The following TACC2 variants were observed in gnomAD, a reference collection of about 807,000 sequenced individuals.
TACC2 encodes the protein transforming acidic coiled-coil-containing protein 2.
TACC2 carries 137 observed loss-of-function variants against 227.3 expected under a neutral mutation model. The ratio of observed to expected loss-of-function variants is 0.60; its 90% CI spans 0.52 to 0.69. The LOEUF (loss-of-function observed/expected upper bound fraction) is 0.69, where lower values mean the gene tolerates loss of function less well. Ranked by LOEUF, TACC2 falls within the 30% of genes least tolerant of loss-of-function variation. TACC2 has a pLI of 0.00. For missense variants in TACC2, 3,470 were observed against 3,694.4 expected (o/e 0.94, Z 1.57); for synonymous variants, 1,523 against 1,487.5 (o/e 1.02, Z -0.55).
rs142220202 is a variant in TACC2 at position 122,097,210 on chromosome 10, T to G, written c.5573+8619T>G. Among the ~76,000 whole-genome samples the G allele has an allele frequency of 4.9e-3, 739 of 152,114 alleles. 8 individuals carry two copies. Among genetic ancestry groups the G allele is most frequent in the African/African-American group, 0.017 (704 of 41,480 alleles). On this transcript the variant is annotated intron_variant, in intron 5 of 22. Transcript: ENST00000369005. ...GTGGTGTGGTGGTACATGCCTGTGG[T>G]CCCAGCTATTCAGGAGGCTGAGGTG...
Position 122,084,252 on chromosome 10 carries a change from G to A in TACC2, c.1752G>A (p.Glu584=), listed in dbSNP as rs2079852624. 1 of 1,614,074 alleles carries A rather than the reference G, an allele frequency of 6.2e-7. No individual in the cohort carries two copies. Among genetic ancestry groups the A allele is most frequent in the Admixed American group, 1.7e-5 (1 of 60,034 alleles). ...CTGGAGGAAAGGAGGAAGCCCCAGA[G>A]CCACCTGATGGTGGAGACCCAGGGA... The part of the protein sequence containing the change: ...DSPGGKEEAP[E]PPDGGDPGNL... Residue 584 remains glutamate (E), a synonymous_variant, in exon 4 of 23, where the codon GAG becomes GAA. Transcript: ENST00000369005.
intron 2 of TACC2, among the ~76,000 whole-genome samples, chr10:122,037,309 A>G (rs1019278861): frequency 1.3e-5 from 2 of 152,246 alleles, no homozygotes; most frequent in African/African-American, 4.8e-5. Context: ...AGCCCTGGTA[A>G]GAAGTCTGGC....
Position 122,156,617 on chromosome 10 carries a change from T to G in TACC2, c.5834+12911T>G, listed in dbSNP as rs563724635. 1.2e-4 allele frequency among the ~76,000 whole-genome samples: 18 copies of G among 152,366 alleles called. 1 individual carries two copies. Among genetic ancestry groups the G allele is most frequent in the African/African-American group, 3.8e-4 (16 of 41,588 alleles). On this transcript the variant is annotated intron_variant, in intron 7 of 22. Transcript: ENST00000369005. ...TTGAAGCCACCTTCTGTCCTCATCCTGGCTGAGTTTCTCTTCTTCAGTTGC... is the reference window on the plus strand; with the variant it reads ...TTGAAGCCACCTTCTGTCCTCATCCGGGCTGAGTTTCTCTTCTTCAGTTGC...
chr10:122,081,759 G>A (rs889664927), intron 3 of TACC2, among the ~76,000 whole-genome samples: 2 of 152,100 alleles, frequency 1.3e-5, no homozygotes, highest in African/African-American at 4.8e-5. Flanking sequence ...AGGTGATTCA[G>A]CTCCCAAGAT....
In TACC2 at chr10:122,083,703, G is replaced by T; in HGVS notation, c.1203G>T (p.Leu401Phe). Residue 401 changes from leucine to phenylalanine, a missense_variant, in exon 4 of 23, where the codon TTG (leucine) becomes TTT (phenylalanine). Transcript: ENST00000369005. ...CAGGCGGCCAGCCCGAAGGGGGTTT[G>T]CCTGTGAGCCCTGAACCTTCCCTGC... ...VAAGGQPEGG[L>F]PVSPEPSLLT... is the part of the protein sequence containing the mutation. 1.2e-6 allele frequency: 2 copies of T among 1,613,478 alleles called. No individual in the cohort carries two copies. The highest frequency in any genetic ancestry group is 1.7e-6 in the Non-Finnish European group (2 of 1,180,032).
At chr10:122,033,370 C>G (rs1453552732) in intron 2 of TACC2, among the ~76,000 whole-genome samples, 3 of 152,108 alleles carry the variant, frequency 2.0e-5, no homozygotes, top group African/African-American at 4.8e-5. Context: ...TTTAGTGTGC[C>G]TGTCCAAGAA....
intron 2 of TACC2, among the ~76,000 whole-genome samples, chr10:122,028,886 C>G (rs1381718332): frequency 5.2e-5 from 2 of 38,728 alleles, no homozygotes; most frequent in Non-Finnish European, 9.6e-5. Flanking sequence ...CCCTTCCCTC[C>G]GCTCCCCTCC....
intron 16 of TACC2, among the ~76,000 whole-genome samples, chr10:122,234,512 A>G (rs1316596564): frequency 2.0e-5 from 3 of 152,230 alleles, no homozygotes; most frequent in Non-Finnish European, 4.4e-5. Context: ...CAAAGCTATC[A>G]ATTTCTGTTA....
Position 122,132,708 on chromosome 10 carries a change from G to C in TACC2, c.5673G>C (p.Gln1891His). 6.2e-7 allele frequency: 1 copy of C among 1,614,196 alleles called. No individual in the cohort carries two copies. The highest frequency in any genetic ancestry group is 8.5e-7 in the Non-Finnish European group (1 of 1,180,030). ...ASSYHGDVVG[Q>H]VSTDLIAQSI... ...CCTACCACGGTGATGTTGTTGGCCA[G>C]GTCTCTACGGATCTGATAGCCCAGA... Residue 1891 changes from glutamine to histidine, a missense_variant, in exon 6 of 23, where the codon CAG (glutamine) becomes CAC (histidine). By Grantham distance (24) the Gln-to-His change is conservative. Transcript: ENST00000369005.
Position 122,087,757 on chromosome 10 carries a change from G to C in TACC2, c.5257G>C (p.Asp1753His), listed in dbSNP as rs148022903. Reference protein sequence around the residue: ...PGSCQDPACSDKAPGMEGTAA... With the variant: ...PGSCQDPACSHKAPGMEGTAA... ...AAGCTGTCAGGACCCAGCCTGCTCT[G>C]ACAAGGCTCCGGGGATGGAGGGTAC... The change falls in exon 4 of 23, where the codon GAC becomes CAC. Residue 1753 changes from aspartate (D) to histidine (H), a missense_variant. By Grantham distance (81) the Asp-to-His change is moderately conservative. This residue lies in a region of TACC2 where 1,924 missense variants were observed against 1,978.3 expected (regional missense o/e 0.97). Transcript: ENST00000369005. The C allele has an allele frequency of 8.3e-5, 134 of 1,610,414 alleles. No homozygotes were observed. Among genetic ancestry groups the C allele is most frequent in the Non-Finnish European group, 1.1e-4 (124 of 1,178,598 alleles).
At chr10:121,994,515 G>A (rs530856838) in intron 1 of TACC2, 108 of 152,416 alleles carry the variant, frequency 7.1e-4, no homozygotes, top group African/African-American at 2.2e-3. Context: ...TGCCTGGCCT[G>A]GGTCAGATTG....
At chr10:122,067,252 G>C (rs1489371298) in intron 3 of TACC2, among the ~76,000 whole-genome samples, 7 of 151,960 alleles carry the variant, frequency 4.6e-5, no homozygotes, top group African/African-American at 9.7e-5. Flanking sequence ...TTTAGCTTTT[G>C]TATGTCTGGA....
chr10:122,134,198 G>A (rs1402737060), intron 6 of TACC2, among the ~76,000 whole-genome samples: 1 of 148,794 alleles, frequency 6.7e-6, no homozygotes, highest in East Asian at 2.0e-4. Context: ...CTGAGACGGA[G>A]TCTCACTCTG....
chr10:122,021,654 A>G (rs1465381846), intron 1 of TACC2, among the ~76,000 whole-genome samples: 1 of 152,132 alleles, frequency 6.6e-6, no homozygotes, highest in Admixed American at 6.5e-5. Flanking sequence ...ATATATACGT[A>G]TATGTGTACG....
intron 11 of TACC2, among the ~76,000 whole-genome samples, chr10:122,217,434 T>C (rs1387320837): frequency 2.1e-5 from 3 of 141,262 alleles, no homozygotes; most frequent in African/African-American, 5.0e-5. Flanking sequence ...TTCTTTCTTT[T>C]TTCTTTTTTT....
chr10:122,002,749 T>C lies in TACC2; in HGVS notation c.-46+13261T>C, dbSNP rs149615853. Among the ~76,000 whole-genome samples, 103 of 152,352 alleles carry C rather than the reference T, an allele frequency of 6.8e-4. No homozygotes were observed. The East Asian group carries it at 0.013, about 20-fold the overall frequency. ...CTAGGATACTATCCATTTCATTTTTTTATTTGCATAGACATCTGCAAATCA... is the reference window on the plus strand; with the variant it reads ...CTAGGATACTATCCATTTCATTTTTCTATTTGCATAGACATCTGCAAATCA... On this transcript the variant is annotated intron_variant, in intron 1 of 22. Coordinates refer to ENST00000369005, the MANE Select transcript of TACC2 (RefSeq NM_206862.4).
intron 7 of TACC2, among the ~76,000 whole-genome samples, chr10:122,183,631 G>A (rs2094058419): frequency 6.6e-6 from 1 of 152,198 alleles, no homozygotes; most frequent in Non-Finnish European, 1.5e-5. Context: ...TATGGATCTA[G>A]ATGCAGAAAC....
At position 122,068,074 on chromosome 10, in the gene TACC2, T is replaced by C. The variant is rs183319384; in HGVS notation, c.147-14573T>C. Among the ~76,000 whole-genome samples, 9 of 152,270 alleles carry C rather than the reference T, an allele frequency of 5.9e-5. No homozygotes were observed. The East Asian group carries it at 1.5e-3, about 26-fold the overall frequency. The stretch of plus-strand genomic sequence containing the variant: ...ACATTTTTATCGCTATATCTTGAAG[T>C]TCACTAATCTTTTTCTCTGCAGTGG... On this transcript the variant is annotated intron_variant, in intron 3 of 22. Transcript: ENST00000369005.
chr10:122,015,112 A>C (rs929724177), intron 1 of TACC2, among the ~76,000 whole-genome samples: 1 of 144,000 alleles, frequency 6.9e-6, no homozygotes, highest in Non-Finnish European at 1.5e-5. Context: ...GCTATAAAAA[A>C]AAAAAAAAAG....
Sources: gnomAD v4.1 joint callset for allele counts (sites outside exome capture counted in the v4.1 genomes callset) on GRCh38, gnomAD v4.1.1 for gene constraint, gnomAD v4.1.1 regional missense constraint, MANE v1.5 for transcripts, NCBI Gene and HGNC (gene_info 2026-07-23, HGNC 2026-07-21) for gene names.